The following CDH20 variants were observed in gnomAD, a reference collection of about 807,000 sequenced individuals.
The protein encoded by CDH20 is cadherin 20.
In CDH20, 29 loss-of-function variants were observed where a neutral mutation model predicts 74.2. The ratio of observed to expected loss-of-function variants is 0.39; its 90% CI spans 0.29 to 0.53. The LOEUF (loss-of-function observed/expected upper bound fraction) is 0.53, where lower values mean the gene tolerates loss of function less well. Among genes scored for constraint, CDH20 ranks in the 20% least tolerant of loss-of-function variants. The pLI is 0.69. For missense variants in CDH20, 988 were observed against 1,048.3 expected, an observed-to-expected ratio of 0.94 and a Z score of 0.79; for synonymous variants, 469 against 405.4, an observed-to-expected ratio of 1.16 and a Z score of -1.88.
rs1913572045 is a variant in CDH20, at chr18:61,554,734, T to G, written c.*39T>G. On this transcript the variant is annotated 3_prime_UTR_variant, in exon 12 of 12. Coordinates refer to ENST00000262717, the MANE Select transcript of CDH20 (RefSeq NM_031891.4). ...GCAGGCGCGCGTCCAAATCCAGACG[T>G]TCTCCGCGGGTGCTTCGCGGACAAG... 3 of 1,499,670 alleles carry G rather than the reference T, an allele frequency of 2.0e-6. No individual in the cohort carries two copies. The highest frequency in any genetic ancestry group is 2.7e-6 in the Non-Finnish European group (3 of 1,124,486). The allele number at this position is 1,499,670 out of a possible 1,614,324, so 92.9% of individuals were successfully genotyped here.
chr18:61,334,887 A>G (rs1909705697), intron 1 of CDH20, among the ~76,000 whole-genome samples: 2 of 151,584 alleles, frequency 1.3e-5, no homozygotes, highest in African/African-American at 4.8e-5. Context: ...TTTTTTTCTG[A>G]TTGTTATAAA....
At chr18:61,429,543 G>A (rs541726634) in intron 1 of CDH20, among the ~76,000 whole-genome samples, 7 of 152,264 alleles carry the variant, frequency 4.6e-5, no homozygotes, top group Admixed American at 1.3e-4. Flanking sequence ...AAGAGAAATC[G>A]TGTTTTTCTA....
chr18:61,515,769 G>T (rs1911978721), intron 6 of CDH20, among the ~76,000 whole-genome samples: 2 of 139,716 alleles, frequency 1.4e-5, no homozygotes, highest in Admixed American at 7.4e-5. Context: ...CACACTCTGG[G>T]GACTGTTGTG....
intron 1 of CDH20, among the ~76,000 whole-genome samples, chr18:61,396,049 G>A (rs1286512358): frequency 1.3e-5 from 2 of 150,818 alleles, no homozygotes; most frequent in African/African-American, 4.9e-5. Context: ...GAGTGTGTGT[G>A]TGTTTGTGTG....
chr18:61,404,893 T>C (rs1228917049), intron 1 of CDH20: 1 of 662,304 alleles, frequency 1.5e-6, no homozygotes, highest in Non-Finnish European at 2.8e-6. Flanking sequence ...ATGCTTCTAA[T>C]GGTGTCAGAA....
At chr18:61,416,417 A>G (rs1912686272) in intron 1 of CDH20, among the ~76,000 whole-genome samples, 1 of 152,220 alleles carries the variant, frequency 6.6e-6, no homozygotes, top group Admixed American at 6.5e-5. Flanking sequence ...TTTAACAGAT[A>G]TATTTCTCAC....
At chr18:61,427,498 C>T (rs189798172) in intron 1 of CDH20, among the ~76,000 whole-genome samples, 8 of 152,300 alleles carry the variant, frequency 5.3e-5, no homozygotes, top group Admixed American at 2.0e-4. Flanking sequence ...GAACTAACTA[C>T]AAACGTGGTC....
At chr18:61,515,722 G>T (rs1911976947) in intron 6 of CDH20, among the ~76,000 whole-genome samples, 1 of 141,500 alleles carries the variant, frequency 7.1e-6, no homozygotes, top group Admixed American at 7.6e-5. Flanking sequence ...AGGTAGAATT[G>T]AACAATGAGA....
At chr18:61,367,288 T>C (rs928612609) in intron 1 of CDH20, among the ~76,000 whole-genome samples, 1 of 152,102 alleles carries the variant, frequency 6.6e-6, no homozygotes, top group Non-Finnish European at 1.5e-5. Flanking sequence ...CCAAAAGAGA[T>C]GAAACCAGCA....
intron 9 of CDH20, among the ~76,000 whole-genome samples, chr18:61,541,954 CCCAA>C (rs149566874): frequency 0.023 from 3,562 of 152,274 alleles, 71 homozygotes; most frequent in Non-Finnish European, 0.033. Flanking sequence ...GCCATGCGCT[CCCAA>C]CCCAGACTTA....
intron 1 of CDH20, among the ~76,000 whole-genome samples, chr18:61,448,969 T>A (rs1909288421): frequency 6.6e-6 from 1 of 152,208 alleles, no homozygotes; most frequent in South Asian, 2.1e-4. Context: ...TACCTTCCCT[T>A]GCTGATGATA....
intron 1 of CDH20, among the ~76,000 whole-genome samples, chr18:61,460,286 G>A (rs1909723061): frequency 6.6e-6 from 1 of 152,148 alleles, no homozygotes; most frequent in Admixed American, 6.5e-5. Context: ...ATATGATTCT[G>A]CAATGATATT....
At chr18:61,372,303 C>T (rs539061826) in intron 1 of CDH20, among the ~76,000 whole-genome samples, 2 of 152,154 alleles carry the variant, frequency 1.3e-5, no homozygotes, top group East Asian at 3.9e-4. Flanking sequence ...GCACAGAATA[C>T]CCATGCTAAA....
At chr18:61,349,082 A>G (rs1369717100) in intron 1 of CDH20, among the ~76,000 whole-genome samples, 1 of 152,160 alleles carries the variant, frequency 6.6e-6, no homozygotes, top group African/African-American at 2.4e-5. Context: ...TTAAATGATC[A>G]CTTTAGAGTG....
At chr18:61,336,840 T>A (rs1490570987) in intron 1 of CDH20, among the ~76,000 whole-genome samples, 1 of 148,072 alleles carries the variant, frequency 6.8e-6, no homozygotes, top group Non-Finnish European at 1.5e-5. Flanking sequence ...TGAGAATAGG[T>A]CTTTTCACCC....
chr18:61,389,996 A>G (rs1031005226), intron 1 of CDH20, among the ~76,000 whole-genome samples: 20 of 152,168 alleles, frequency 1.3e-4, no homozygotes, highest in Non-Finnish European at 2.8e-4. Context: ...CCTTGCCCCC[A>G]TGACCAACTG....
At chr18:61,530,046 G>A (rs750534177) in intron 7 of CDH20, among the ~76,000 whole-genome samples, 29 of 152,188 alleles carry the variant, frequency 1.9e-4, no homozygotes, top group Non-Finnish European at 4.0e-4. Context: ...GTGAGAACAA[G>A]GCCACAAGGC....
chr18:61,493,577 G>A (rs1040498863), intron 2 of CDH20, among the ~76,000 whole-genome samples: 2 of 152,110 alleles, frequency 1.3e-5, no homozygotes, highest in Non-Finnish European at 2.9e-5. Flanking sequence ...CACATACCAC[G>A]TTTGTCCCTG....
chr18:61,494,158 G>A (rs543347258), intron 2 of CDH20, among the ~76,000 whole-genome samples: 1 of 152,312 alleles, frequency 6.6e-6, no homozygotes, highest in South Asian at 2.1e-4. Flanking sequence ...GGGAAGCCCA[G>A]ACTGAAATAC....
Sources: gnomAD v4.1 joint callset for allele counts (sites outside exome capture counted in the v4.1 genomes callset) on GRCh38, gnomAD v4.1.1 for gene constraint, MANE v1.5 for transcripts, NCBI Gene and HGNC (gene_info 2026-07-23, HGNC 2026-07-21) for gene names.